Variants in PARPBP observed in about 807,000 individuals in gnomAD.
The protein encoded by PARPBP is PCNA-interacting partner.
PARPBP carries 52 observed loss-of-function variants against 50.0 expected under a neutral mutation model. The ratio of observed to expected loss-of-function variants is 1.04; its 90% confidence interval spans 0.83 to 1.31. The LOEUF is 1.31. Among genes scored for constraint, PARPBP ranks in the 50% most tolerant of loss-of-function variants. The probability of loss-of-function intolerance (pLI) is 0.00; values close to 1 mark genes in which losing one functional copy is unlikely to be tolerated. For synonymous variants in PARPBP, 244 were observed against 232.1 expected (o/e 1.05, Z -0.47); for missense variants, 697 against 672.0 (o/e 1.04, Z -0.41).
At chr12:102,139,961 C>G (rs1165324810) in intron 2 of PARPBP, among the ~76,000 whole-genome samples, 1 of 152,200 alleles carries the variant, frequency 6.6e-6, no homozygotes, top group Non-Finnish European at 1.5e-5. Flanking sequence ...TGTTGTGTCT[C>G]TGCCAGGCTT....
At chr12:102,161,943 CTTTG>C (rs1402025125) in intron 4 of PARPBP, among the ~76,000 whole-genome samples, 3 of 152,090 alleles carry the variant, frequency 2.0e-5, no homozygotes, top group Non-Finnish European at 2.9e-5. Flanking sequence ...AATCTTTAAA[CTTTG>C]TTTTCTTGTA....
intron 1 of PARPBP, among the ~76,000 whole-genome samples, chr12:102,122,046 G>A (rs910267814): frequency 1.3e-5 from 2 of 152,104 alleles, no homozygotes; most frequent in African/African-American, 2.4e-5. Flanking sequence ...CCAAGATCTC[G>A]CAGCCAGTAA....
intron 2 of PARPBP, among the ~76,000 whole-genome samples, chr12:102,139,845 A>G (rs112985315): frequency 6.6e-6 from 1 of 152,214 alleles, no homozygotes; most frequent in African/African-American, 2.4e-5. Context: ...ACTTGATCTT[A>G]GTGGATAAGC....
In PARPBP at chr12:102,186,978, C is replaced by CAAAT. The variant is rs1166670409; in HGVS notation, c.1263+4351_1263+4352insAAAT. Among the ~76,000 whole-genome samples, 246 of 152,138 alleles carry CAAAT rather than the reference C, an allele frequency of 1.6e-3. 1 individual carries two copies. The highest frequency in any genetic ancestry group is 2.7e-3 in the Non-Finnish European group (186 of 67,980). Reference sequence around the variant, plus strand: ...GGTATTAACAAATTCTTTTATTTAACCCCATGGTATTAGAAACTTCAAATT... The same window carrying CAAAT: ...GGTATTAACAAATTCTTTTATTTAACAAATCCCATGGTATTAGAAACTTCAAATT... On this transcript the variant is annotated intron_variant, in intron 9 of 10. Transcript: ENST00000327680.
chr12:102,148,680 T>C, intron 3 of PARPBP: 1 of 393,332 alleles, frequency 2.5e-6, no homozygotes, highest in Non-Finnish European at 4.5e-6. Context: ...ATTTAGTTGC[T>C]ATACGGATAG....
chr12:102,186,417 T>C (rs914599567), intron 9 of PARPBP, among the ~76,000 whole-genome samples: 7 of 152,116 alleles, frequency 4.6e-5, no homozygotes, highest in African/African-American at 1.7e-4. Context: ...TTATGTTGCT[T>C]ATTTGAAGTT....
chr12:102,141,558 T>G (rs1478042119), intron 2 of PARPBP, among the ~76,000 whole-genome samples: 1 of 152,224 alleles, frequency 6.6e-6, no homozygotes. Context: ...TGCTCGTTAG[T>G]TGATGCAGTT....
intron 4 of PARPBP, chr12:102,155,168 A>G (rs1204349943): frequency 6.3e-6 from 1 of 158,878 alleles, no homozygotes; most frequent in Non-Finnish European, 1.4e-5. Context: ...ATATTACCTC[A>G]GCTACTTGGG....
chr12:102,168,733 G>T (rs536594996), intron 6 of PARPBP, among the ~76,000 whole-genome samples: 2 of 152,260 alleles, frequency 1.3e-5, no homozygotes, highest in African/African-American at 4.8e-5. Flanking sequence ...ACTTGAAGGA[G>T]TTAACTAGAC....
intron 3 of PARPBP, 45 bp downstream of exon 3, chr12:102,148,508 A>T: frequency 1.4e-6 from 1 of 738,544 alleles, no homozygotes; most frequent in Non-Finnish European, 2.1e-6. Context: ...ATTAAAATTT[A>T]GCTCTATTTA....
intron 4 of PARPBP, among the ~76,000 whole-genome samples, chr12:102,156,042 C>T (rs1886867219): frequency 6.6e-6 from 1 of 152,098 alleles, no homozygotes; most frequent in Non-Finnish European, 1.5e-5. Flanking sequence ...ATCTGTGAGG[C>T]CAAGAACCCC....
chr12:102,157,849 G>T (rs1038895066), intron 4 of PARPBP, among the ~76,000 whole-genome samples: 5 of 151,782 alleles, frequency 3.3e-5, no homozygotes, highest in African/African-American at 4.8e-5. Flanking sequence ...GGCCAGGCAC[G>T]GTGGCTCACG....
chr12:102,147,561 CTTG>C (rs1291153736), intron 2 of PARPBP, among the ~76,000 whole-genome samples: 1 of 108,374 alleles, frequency 9.2e-6, no homozygotes, highest in African/African-American at 3.7e-5. Flanking sequence ...TCTGGGGACT[CTTG>C]TGGGGTGGGG....
chr12:102,168,299 A>C (rs547644370), intron 6 of PARPBP, among the ~76,000 whole-genome samples: 1 of 152,260 alleles, frequency 6.6e-6, no homozygotes, highest in East Asian at 1.9e-4. Flanking sequence ...GTAGAAGTAC[A>C]TTTGTTTTAG....
At chr12:102,135,836 G>A (rs192546402) in intron 2 of PARPBP, among the ~76,000 whole-genome samples, 59 of 152,254 alleles carry the variant, frequency 3.9e-4, no homozygotes, top group African/African-American at 1.4e-3. Context: ...TAATTTGGGG[G>A]TGGAGTGATC....
At position 102,182,624 on chromosome 12, in the gene PARPBP, T is replaced by G; in HGVS notation, c.1260T>G (p.Ile420Met). Reference sequence around the variant, plus strand: ...GTGTGTCAATGCAAGAGAAAAAAATTAAGGTACAATTTAATGCATGCCATG... The same window carrying G: ...GTGTGTCAATGCAAGAGAAAAAAATGAAGGTACAATTTAATGCATGCCATG... ...RICVSMQEKKIKMKQTLIRSQ... is the reference protein window; with the variant it reads ...RICVSMQEKKMKMKQTLIRSQ... Residue 420 changes from isoleucine (I) to methionine (M), a missense_variant, in exon 9 of 11, where the codon ATT becomes ATG. Physicochemically the swap from Ile to Met is conservative, Grantham distance 10. Transcript: ENST00000327680. 1 of 1,600,188 alleles carries G rather than the reference T, an allele frequency of 6.2e-7. No homozygotes were observed. Among genetic ancestry groups the G allele is most frequent in the Non-Finnish European group, 8.6e-7 (1 of 1,168,478 alleles).
At chr12:102,144,505 G>C (rs761813794) in intron 2 of PARPBP, among the ~76,000 whole-genome samples, 1 of 152,130 alleles carries the variant, frequency 6.6e-6, no homozygotes, top group Non-Finnish European at 1.5e-5. Flanking sequence ...CATGAAAACT[G>C]ATATCTGGAG....
At chr12:102,188,695 A>G (rs1280434801) in intron 9 of PARPBP, among the ~76,000 whole-genome samples, 1 of 152,154 alleles carries the variant, frequency 6.6e-6, no homozygotes, top group African/African-American at 2.4e-5. Context: ...ACATTTAACA[A>G]TAGAGGGAGA....
intron 2 of PARPBP, among the ~76,000 whole-genome samples, chr12:102,136,810 G>A (rs548213599): frequency 7.6e-4 from 115 of 152,290 alleles, no homozygotes; most frequent in Non-Finnish European, 1.3e-3. Context: ...ATACCTATAT[G>A]TCTGCGGGTG....
Sources: allele counts gnomAD v4.1 joint callset (sites outside exome capture counted in the v4.1 genomes callset), GRCh38; gene constraint gnomAD v4.1.1; transcripts MANE v1.5; gene names NCBI Gene and HGNC (gene_info 2026-07-23, HGNC 2026-07-21).